The following GABRB1 variants were observed in gnomAD, a reference collection of about 807,000 sequenced individuals.
GABRB1 encodes the protein gamma-aminobutyric acid receptor subunit beta-1.
A neutral mutation model predicts 51.6 loss-of-function variants in GABRB1; 17 were observed. That is an observed-to-expected ratio of 0.33 (90% CI 0.23 to 0.49). GABRB1 has a LOEUF of 0.49. Ranked by LOEUF, GABRB1 falls within the 20% of genes least tolerant of loss-of-function variation. GABRB1 has a pLI of 0.99. For synonymous variants in GABRB1, 247 were observed against 218.9 expected (o/e 1.13, Z -1.14); for missense variants, 410 against 600.6 (o/e 0.68, Z 3.32).
chr4:47,011,295 A>G (rs1478094873), intron 1 of GABRB1, among the ~76,000 whole-genome samples: 1 of 152,088 alleles, frequency 6.6e-6, no homozygotes, highest in East Asian at 1.9e-4. Flanking sequence ...CTGGACCCAG[A>G]CCTGTGATCC....
At chr4:47,344,663 G>A in intron 5 of GABRB1, among the ~76,000 whole-genome samples, 1 of 152,056 alleles carries the variant, frequency 6.6e-6, no homozygotes, top group Non-Finnish European at 1.5e-5. Flanking sequence ...TCAGTGGGGT[G>A]TCTCCAACCA....
chr4:47,245,333 C>T (rs1460745457), intron 4 of GABRB1, among the ~76,000 whole-genome samples: 2 of 152,196 alleles, frequency 1.3e-5, no homozygotes, highest in Non-Finnish European at 2.9e-5. Context: ...GTTCAGATAG[C>T]CTAACAGTTT....
chr4:47,411,024 G>A (rs1728745211), intron 8 of GABRB1, among the ~76,000 whole-genome samples: 1 of 152,152 alleles, frequency 6.6e-6, no homozygotes, highest in African/African-American at 2.4e-5. Context: ...GCAGAATTTA[G>A]AGTCTCTATG....
rs1423595231 is a variant in GABRB1, at chr4:47,373,017, G to A, written c.545-30301G>A. On this transcript the variant is annotated intron_variant, in intron 5 of 8. Transcript: ENST00000295454. The stretch of plus-strand genomic sequence containing the variant: ...GCCAGCCCTCTTAGAGGGTCCACAT[G>A]TCCTTCTCCCTACAGACACAGAGAC... Among the ~76,000 whole-genome samples the A allele has an allele frequency of 2.0e-5, 3 of 152,128 alleles. No individual in the cohort carries two copies. The East Asian group carries it at 5.8e-4, about 29-fold the overall frequency.
intron 5 of GABRB1, among the ~76,000 whole-genome samples, chr4:47,355,955 C>T (rs1726554186): frequency 6.6e-6 from 1 of 152,102 alleles, no homozygotes; most frequent in African/African-American, 2.4e-5. Context: ...TAATGTGTAC[C>T]TTACAGGTTT....
chr4:47,070,493 G>A (rs763638551), intron 3 of GABRB1, among the ~76,000 whole-genome samples: 23 of 151,524 alleles, frequency 1.5e-4, no homozygotes, highest in Non-Finnish European at 2.8e-4. Context: ...TACCATGCCC[G>A]GCTAGTTTTT....
intron 5 of GABRB1, among the ~76,000 whole-genome samples, chr4:47,373,670 T>C (rs1360606063): frequency 2.0e-5 from 3 of 152,186 alleles, no homozygotes; most frequent in South Asian, 2.1e-4. Context: ...CTGTGATTTG[T>C]AAATGCACAT....
Position 47,236,468 on chromosome 4 carries a change from C to T in GABRB1, c.461+74999C>T, listed in dbSNP as rs1721338309. ...GTATTAATAAAGGAAACAAAGTTAA[C>T]ATTTATTTAGTAACTACTAGTGCTC... is the stretch of plus-strand genomic sequence containing the variant. On this transcript the variant is annotated intron_variant, in intron 4 of 8. Transcript: ENST00000295454. Among the ~76,000 whole-genome samples the T allele has an allele frequency of 2.0e-5, 3 of 152,156 alleles. No individual in the cohort carries two copies. In the South Asian group the frequency reaches 6.2e-4, roughly 32 times the overall value.
intron 5 of GABRB1, among the ~76,000 whole-genome samples, chr4:47,375,450 C>T (rs1727344346): frequency 6.6e-6 from 1 of 152,198 alleles, no homozygotes; most frequent in South Asian, 2.1e-4. Flanking sequence ...AGAGCTAGGT[C>T]ATGCTGCAGT....
chr4:47,011,741 T>C (rs1420268552), intron 1 of GABRB1, among the ~76,000 whole-genome samples: 1 of 152,180 alleles, frequency 6.6e-6, no homozygotes, highest in Non-Finnish European at 1.5e-5. Flanking sequence ...GGGGAAAAAC[T>C]TCCCCTTTTC....
At chr4:47,182,593 C>CAA (rs1718997322) in intron 4 of GABRB1, among the ~76,000 whole-genome samples, 1 of 151,938 alleles carries the variant, frequency 6.6e-6, no homozygotes, top group Admixed American at 6.6e-5. Flanking sequence ...GTCCTTCTCT[C>CAA]AGAGTTTTTC....
At chr4:47,056,596 T>C (rs1297982272) in intron 3 of GABRB1, among the ~76,000 whole-genome samples, 1 of 152,040 alleles carries the variant, frequency 6.6e-6, no homozygotes, top group Non-Finnish European at 1.5e-5. Flanking sequence ...GACAAACTGG[T>C]TGGGAATCCA....
chr4:47,392,234 A>G (rs1278603449), intron 5 of GABRB1, among the ~76,000 whole-genome samples: 1 of 152,150 alleles, frequency 6.6e-6, no homozygotes, highest in African/African-American at 2.4e-5. Context: ...TGGAATTGCC[A>G]AAAGAGAGGT....
At chr4:47,227,230 C>A (rs16860087) in intron 4 of GABRB1, among the ~76,000 whole-genome samples, 32,212 of 152,006 alleles carry the variant, frequency 0.21, 3,596 homozygotes, top group African/African-American at 0.26. Context: ...TTCATTTTTT[C>A]GTGCAAAATT....
intron 4 of GABRB1, among the ~76,000 whole-genome samples, chr4:47,226,095 T>C (rs1035355570): frequency 4.6e-5 from 7 of 152,154 alleles, no homozygotes; most frequent in African/African-American, 1.7e-4. Flanking sequence ...GTTCTAGGTA[T>C]TGTGAATACA....
At chr4:47,032,766 T>C in intron 3 of GABRB1, 1 of 646,566 alleles carries the variant, frequency 1.5e-6, no homozygotes, top group Non-Finnish European at 2.9e-6. Context: ...GTCTGAGCGT[T>C]ACTTTAGCTG....
At chr4:47,064,525 C>A (rs1459162364) in intron 3 of GABRB1, among the ~76,000 whole-genome samples, 1 of 150,862 alleles carries the variant, frequency 6.6e-6, no homozygotes, top group Non-Finnish European at 1.5e-5. Context: ...GTAATCCCAG[C>A]TACTCGGGAG....
chr4:47,084,897 C>G (rs1352601330), intron 3 of GABRB1, among the ~76,000 whole-genome samples: 2 of 152,148 alleles, frequency 1.3e-5, no homozygotes, highest in Non-Finnish European at 2.9e-5. Context: ...TTGGTTCTCT[C>G]TTTACCAGCA....
At chr4:47,182,207 T>TAA (rs550246298) in intron 4 of GABRB1, among the ~76,000 whole-genome samples, 78 of 152,044 alleles carry the variant, frequency 5.1e-4, no homozygotes, top group African/African-American at 1.9e-3. Flanking sequence ...CTGGGATCGC[T>TAA]CAGAAAAGCA....
Sources: allele counts gnomAD v4.1 joint callset (sites outside exome capture counted in the v4.1 genomes callset), GRCh38; gene constraint gnomAD v4.1.1; transcripts MANE v1.5; gene names NCBI Gene and HGNC (gene_info 2026-07-23, HGNC 2026-07-21).